Variants in GDAP1L1 observed in about 807,000 individuals in gnomAD.
GDAP1L1 encodes ganglioside induced differentiation associated protein 1 like 1.
Under a neutral mutation model 37.1 loss-of-function variants are expected in GDAP1L1, and 21 were observed. The ratio of observed to expected loss-of-function variants is 0.57; its 90% CI spans 0.40 to 0.81. GDAP1L1 has a LOEUF of 0.81. Among genes scored for constraint, GDAP1L1 ranks in the 40% least tolerant of loss-of-function variants. The probability of loss-of-function intolerance (pLI) is 0.00; values close to 1 mark genes in which losing one functional copy is unlikely to be tolerated. For synonymous variants in GDAP1L1, 193 were observed against 209.1 expected (o/e 0.92, Z 0.67); for missense variants, 362 against 491.6 (o/e 0.74, Z 2.49).
At chr20:44,266,183 C>T (rs947954587) in intron 5 of GDAP1L1, among the ~76,000 whole-genome samples, 13 of 152,128 alleles carry the variant, frequency 8.5e-5, no homozygotes, top group African/African-American at 2.9e-4. Flanking sequence ...TGCTGGGTTC[C>T]TGTAATCCCA....
intron 3 of GDAP1L1, among the ~76,000 whole-genome samples, chr20:44,261,200 G>C (rs368855509): frequency 6.6e-6 from 1 of 152,224 alleles, no homozygotes; most frequent in African/African-American, 2.4e-5. Context: ...AAGCCAGCCT[G>C]CAGCGACCCC....
In GDAP1L1 at chr20:44,279,333, G is replaced by T. The variant is rs769798996; in HGVS notation, c.*33G>T. On this transcript the variant is annotated 3_prime_UTR_variant, in exon 6 of 6. Transcript: ENST00000342560. ...CCTGGGGCTTGGTGTCTGACTGTCG[G>T]TGTCTCTGTGCTGTGTGATTCCCCG... is the stretch of plus-strand genomic sequence containing the variant. 1 of 1,377,016 alleles carries T rather than the reference G, an allele frequency of 7.3e-7. No homozygotes were observed. Among genetic ancestry groups the T allele is most frequent in the Non-Finnish European group, 1.0e-6 (1 of 974,726 alleles). 85.3% of individuals were successfully genotyped at this position (1,377,016 alleles called of 1,614,324 possible).
intron 5 of GDAP1L1, among the ~76,000 whole-genome samples, chr20:44,273,477 G>T (rs1191603191): frequency 6.6e-6 from 1 of 152,036 alleles, no homozygotes; most frequent in Non-Finnish European, 1.5e-5. Flanking sequence ...CATCACAATC[G>T]CACCTCCCTC....
upstream of GDAP1L1, chr20:44,247,101 A>G (rs2073343609): frequency 3.3e-5 from 19 of 574,724 alleles, no homozygotes; most frequent in East Asian, 5.4e-4. Context: ...CCACCCTTGC[A>G]GGGAGCCTGA....
chr20:44,258,229 C>T lies in GDAP1L1; in HGVS notation c.374-205C>T, dbSNP rs753559886. On this transcript the variant is annotated intron_variant, in intron 2 of 5. Coordinates refer to ENST00000342560, the MANE Select transcript of GDAP1L1 (RefSeq NM_024034.6). ...CAAGTCTGGAGCTGAGAGGAGCTAA[C>T]CCTCGGGGACAGCTTGGCAGAGCCC... 9.2e-5 allele frequency: 66 copies of T among 720,868 alleles called. No homozygotes were observed. In the African/African-American group the frequency reaches 1.1e-3, roughly 12 times the overall value. 44.7% of individuals were successfully genotyped at this position (720,868 alleles called of 1,614,324 possible). A position where few individuals can be genotyped will look rare whatever the true frequency, so the allele number is the denominator to read the frequency against.
chr20:44,252,377 C>T (rs1033322310), intron 1 of GDAP1L1, among the ~76,000 whole-genome samples: 12 of 152,170 alleles, frequency 7.9e-5, no homozygotes, highest in Non-Finnish European at 1.3e-4. Flanking sequence ...TGGTGGCTCG[C>T]GCCTGTAATC....
At chr20:44,247,218 C>G, upstream of GDAP1L1, 4 of 1,038,512 alleles carry the variant, frequency 3.9e-6, no homozygotes, top group Non-Finnish European at 5.8e-6. Context: ...TAATGACATT[C>G]ACGGAGCGGG....
intron 1 of GDAP1L1, among the ~76,000 whole-genome samples, chr20:44,250,790 C>A (rs983259578): frequency 1.3e-5 from 2 of 152,170 alleles, no homozygotes; most frequent in African/African-American, 4.8e-5. Flanking sequence ...TGCCCCCAGC[C>A]TCCTCCTCCT....
chr20:44,264,633 CT>C, intron 5 of GDAP1L1, 74 bp downstream of exon 5: 1 of 1,550,114 alleles, frequency 6.5e-7, no homozygotes, highest in Non-Finnish European at 8.7e-7. Context: ...GTCTCAGCCT[CT>C]TTTTTCCGCA....
chr20:44,265,150 T>C, intron 5 of GDAP1L1: 2 of 985,332 alleles, frequency 2.0e-6, no homozygotes, highest in Non-Finnish European at 1.2e-6. Flanking sequence ...GCATTATAGC[T>C]CCTTCGTGCT....
intron 1 of GDAP1L1, among the ~76,000 whole-genome samples, chr20:44,247,956 C>T (rs962769160): frequency 6.6e-6 from 1 of 152,064 alleles, no homozygotes; most frequent in Admixed American, 6.5e-5. Flanking sequence ...TGCACGCTGC[C>T]GTCCCGGACA....
At chr20:44,273,728 TC>T (rs1353637268) in intron 5 of GDAP1L1, among the ~76,000 whole-genome samples, 6 of 151,730 alleles carry the variant, frequency 4.0e-5, no homozygotes, top group African/African-American at 1.5e-4. Context: ...GCCCCAAGCC[TC>T]CCCCCTTCAC....
intron 5 of GDAP1L1, 78 bp downstream of exon 5, chr20:44,264,637 T>G (rs1378471438): frequency 6.5e-7 from 1 of 1,546,756 alleles, no homozygotes; most frequent in Non-Finnish European, 8.8e-7. Context: ...CAGCCTCTTT[T>G]TTCCGCAAAA....
chr20:44,249,541 C>T lies in GDAP1L1; in HGVS notation c.180+2027C>T, dbSNP rs566486159. On this transcript the variant is annotated intron_variant, in intron 1 of 5. Coordinates refer to ENST00000342560, the MANE Select transcript of GDAP1L1 (RefSeq NM_024034.6). ...TAGAACCTCAGGAAGTGGGCCCCAG[C>T]GGCTGGGACCAGACAGGGGGCAGGG... Among the ~76,000 whole-genome samples the T allele has an allele frequency of 1.2e-3, 177 of 152,314 alleles. 1 individual carries two copies. The Middle Eastern group carries it at 0.014, about 12-fold the overall frequency.
At chr20:44,265,504 G>C in intron 5 of GDAP1L1, 3 of 983,394 alleles carry the variant, frequency 3.1e-6, no homozygotes, top group Non-Finnish European at 3.6e-6. Flanking sequence ...TAGAGCCCAG[G>C]GTCTAAACAG....
At chr20:44,272,121 G>A (rs1330527211) in intron 5 of GDAP1L1, among the ~76,000 whole-genome samples, 2 of 152,220 alleles carry the variant, frequency 1.3e-5, no homozygotes, top group African/African-American at 2.4e-5. Flanking sequence ...GCCCCGGGGG[G>A]TGGAGCCAGC....
intron 2 of GDAP1L1, 42 bp downstream of exon 2, chr20:44,257,387 G>T (rs1187372025): frequency 1.3e-6 from 2 of 1,569,802 alleles, no homozygotes; most frequent in Non-Finnish European, 1.7e-6. Context: ...CCATACCACA[G>T]ATCCTCAGGG....
At chr20:44,274,808 T>C (rs1280052140) in intron 5 of GDAP1L1, among the ~76,000 whole-genome samples, 2 of 152,226 alleles carry the variant, frequency 1.3e-5, no homozygotes, top group Admixed American at 1.3e-4. Flanking sequence ...ACATTGATGG[T>C]GCTTCTCTGA....
rs2062485357 is a variant in GDAP1L1 at position 44,269,037 on chromosome 20, C to T, written c.760+4478C>T. ...GCTGGGCTCAGCTGGGACGGCTTGC[C>T]TCTCACACATGGGGAGCGGCTGACC... On this transcript the variant is annotated intron_variant, in intron 5 of 5. Transcript: ENST00000342560. Among the ~76,000 whole-genome samples, 3 of 152,292 alleles carry T rather than the reference C, an allele frequency of 2.0e-5. No homozygotes were observed. In the East Asian group the frequency reaches 5.8e-4, roughly 29 times the overall value.
Sources: gnomAD v4.1 joint callset for allele counts (sites outside exome capture counted in the v4.1 genomes callset) on GRCh38, gnomAD v4.1.1 for gene constraint, MANE v1.5 for transcripts, NCBI Gene and HGNC (gene_info 2026-07-23, HGNC 2026-07-21) for gene names.